The following GOLGA3 variants were observed in gnomAD, a reference collection of about 807,000 sequenced individuals.
GOLGA3 encodes golgin subfamily A member 3.
Under a neutral mutation model 169.4 loss-of-function variants are expected in GOLGA3, and 75 were observed. The ratio of observed to expected loss-of-function variants is 0.44; its 90% confidence interval spans 0.37 to 0.54. GOLGA3 has a LOEUF of 0.54. GOLGA3 is among the 20% of genes least tolerant of loss of function. The pLI is 0.00. For missense variants in GOLGA3, 1,899 were observed against 1,930.0 expected (o/e 0.98, Z 0.30); for synonymous variants, 824 against 822.4 (o/e 1.00, Z -0.03).
At chr12:132,797,874 C>G (rs769888149) in intron 9 of GOLGA3, among the ~76,000 whole-genome samples, 5 of 152,356 alleles carry the variant, frequency 3.3e-5, no homozygotes, top group African/African-American at 4.8e-5. Flanking sequence ...GGTTAAATGG[C>G]AATGCAGTCT....
At position 132,798,358 on chromosome 12, in the gene GOLGA3, T is replaced by C. The variant is rs1222885719; in HGVS notation, c.1920A>G (p.Ala640=). The C allele has an allele frequency of 6.2e-7, 1 of 1,612,582 alleles. No homozygotes were observed. The highest frequency in any genetic ancestry group is 1.7e-5 in the Admixed American group (1 of 59,720). The change falls in exon 9 of 24, where the codon GCA becomes GCG. Residue 640 remains alanine (A), a synonymous_variant. Transcript: ENST00000450791. ...GCCTCACCTCAATGCCCTGCAGCTG[T>C]GCCGCGATGCGCCCCTTCTCCTTCA... ...RSMKEKGRIA[A]QLQGIEADML... is the part of the protein sequence containing the mutation.
In GOLGA3 at chr12:132,807,226, T is replaced by G. The variant is rs1483169031; in HGVS notation, c.1241A>C (p.Lys414Thr). Residue 414 changes from lysine to threonine, a missense_variant, in exon 6 of 24, where the codon AAA becomes ACA. Lys to Thr is a moderately conservative substitution (Grantham distance 78, BLOSUM62 -1). Coordinates refer to ENST00000450791, the MANE Select transcript of GOLGA3 (RefSeq NM_001389683.1). ...TTCCAGCTGTCCTTCGAGTCGCATT[T>G]TCTCTTTGAGCACCTGCAGCATCTC... ...QEEMLQVLKEKMRLEGQLEAL... is the reference protein window; with the variant it reads ...QEEMLQVLKETMRLEGQLEAL... 6.2e-7 allele frequency: 1 copy of G among 1,605,336 alleles called. No homozygotes were observed. Among genetic ancestry groups the G allele is most frequent in the South Asian group, 1.1e-5 (1 of 89,084 alleles).
At chr12:132,794,682 A>C (rs954123547) in intron 11 of GOLGA3, among the ~76,000 whole-genome samples, 1 of 152,224 alleles carries the variant, frequency 6.6e-6, no homozygotes, top group African/African-American at 2.4e-5. Flanking sequence ...TTTCTTACTG[A>C]GCTAATGGTC....
intron 4 of GOLGA3, 44 bp downstream of exon 4, chr12:132,813,263 C>T: frequency 7.5e-7 from 1 of 1,333,618 alleles, no homozygotes; most frequent in South Asian, 1.2e-5. Context: ...TTGTCTCTGG[C>T]ACAGGAAGCT....
Position 132,822,417 on chromosome 12 carries a change from T to C in GOLGA3, c.-183-106A>G, listed in dbSNP as rs1950256519. ...AATTTGCATACGTACAAGAAACAAA[T>C]ACAAACTTTTTCATTCAGCAAATAA... On this transcript the variant is annotated intron_variant, in intron 1 of 23. Coordinates refer to ENST00000450791, the MANE Select transcript of GOLGA3 (RefSeq NM_001389683.1). 16 of 608,840 alleles carry C rather than the reference T, an allele frequency of 2.6e-5. No homozygotes were observed. The South Asian group carries it at 4.7e-4, about 18-fold the overall frequency. 37.7% of individuals were successfully genotyped at this position (608,840 alleles called of 1,614,324 possible).
At chr12:132,774,444 G>A (rs7313064) in intron 22 of GOLGA3, 124 bp from the exon 23 acceptor site, 115,386 of 1,085,006 alleles carry the variant, frequency 0.11, 11,132 homozygotes, top group East Asian at 0.49. Flanking sequence ...GAAGGGGACC[G>A]TCCTGGCCGC....
At chr12:132,792,858 G>C (rs112053013) in intron 11 of GOLGA3, among the ~76,000 whole-genome samples, 2 of 116,892 alleles carry the variant, frequency 1.7e-5, no homozygotes, top group African/African-American at 3.4e-5. Context: ...CACGGGACCT[G>C]CACTCGGAGG....
rs534183973 is a variant in GOLGA3, at chr12:132,821,841, G to A, written c.133+155C>T. On this transcript the variant is annotated intron_variant, in intron 2 of 23. Transcript: ENST00000450791. ...TGCAGTCCAGCCTGGGCGAAAGAGC[G>A]AGACTCCGTCTCAAAAAAAAAAAAA... Among the ~76,000 whole-genome samples, 11 of 125,484 alleles carry A rather than the reference G, an allele frequency of 8.8e-5. No individual in the cohort carries two copies. In the South Asian group the frequency reaches 2.5e-3, roughly 29 times the overall value. 82.3% of individuals were successfully genotyped at this position (125,484 alleles called of 152,430 possible). A position where few individuals can be genotyped will look rare whatever the true frequency, so the allele number is the denominator to read the frequency against.
At chr12:132,784,684 C>A (rs2045798195) in intron 15 of GOLGA3, among the ~76,000 whole-genome samples, 1 of 151,842 alleles carries the variant, frequency 6.6e-6, no homozygotes, top group Non-Finnish European at 1.5e-5. Context: ...GTAACACACA[C>A]CACGTGCACA....
rs1457076377 is a variant in GOLGA3 at position 132,786,464 on chromosome 12, C to T, written c.2998G>A (p.Glu1000Lys). Residue 1000 changes from glutamate to lysine, a missense_variant, in exon 15 of 24, where the codon GAG (glutamate) becomes AAG (lysine). Glu to Lys is a moderately conservative substitution (Grantham distance 56). Coordinates refer to ENST00000450791, the MANE Select transcript of GOLGA3 (RefSeq NM_001389683.1). ...KEMKTKHKAY[E>K]NAVGILSRRL... ...CGGCTGAGGATGCCCACGGCGTTCTCGTAGGCCTTATGTTTGGTCTTCATC... is the reference window on the plus strand; with the variant it reads ...CGGCTGAGGATGCCCACGGCGTTCTTGTAGGCCTTATGTTTGGTCTTCATC... 12 of 1,613,762 alleles carry T rather than the reference C, an allele frequency of 7.4e-6. No individual in the cohort carries two copies. In the East Asian group the frequency reaches 1.6e-4, roughly 21 times the overall value.
intron 16 of GOLGA3, among the ~76,000 whole-genome samples, chr12:132,783,106 A>T (rs10870510): frequency 2.6e-5 from 4 of 152,098 alleles, no homozygotes; most frequent in Non-Finnish European, 5.9e-5. Context: ...TGAGGCGGGA[A>T]AATCACTTGA....
intron 18 of GOLGA3, among the ~76,000 whole-genome samples, chr12:132,779,110 C>G (rs1205954563): frequency 6.6e-6 from 1 of 151,988 alleles, no homozygotes; most frequent in Non-Finnish European, 1.5e-5. Context: ...GACGGAGTTT[C>G]CCACTTGTTG....
Position 132,808,567 on chromosome 12 carries a change from G to T in GOLGA3, c.520-18C>A. 3 of 1,549,314 alleles carry T rather than the reference G, an allele frequency of 1.9e-6. No homozygotes were observed. The highest frequency in any genetic ancestry group is 2.6e-6 in the Non-Finnish European group (3 of 1,148,100). ...TGACTGGACTGAGAAGAAAACAAAA[G>T]TACAAAAATTACATTTAAAATCCAC... On this transcript the variant is annotated intron_variant, in intron 4 of 23. Coordinates refer to ENST00000450791, the MANE Select transcript of GOLGA3 (RefSeq NM_001389683.1).
chr12:132,770,526 T>C lies in GOLGA3; in HGVS notation c.*2579A>G, dbSNP rs1429608235. On this transcript the variant is annotated 3_prime_UTR_variant, in exon 24 of 24. Coordinates refer to ENST00000450791, the MANE Select transcript of GOLGA3 (RefSeq NM_001389683.1). ...CGGTATTTTCAGAATTAGTCTGTCC[T>C]AAGAGAAAAAAAAATACATGGTGAA... is the stretch of plus-strand genomic sequence containing the variant. 1 of 151,990 alleles carries C rather than the reference T, an allele frequency of 6.6e-6. No homozygotes were observed. The highest frequency in any genetic ancestry group is 1.5e-5 in the Non-Finnish European group (1 of 67,982). The allele number at this position is 151,990 out of a possible 1,614,324, so 9.4% of individuals were successfully genotyped here.
intron 6 of GOLGA3, among the ~76,000 whole-genome samples, chr12:132,806,560 C>T (rs527883107): frequency 1.2e-4 from 18 of 152,338 alleles, no homozygotes; most frequent in Admixed American, 9.1e-4. Context: ...GCTCTGCGGC[C>T]TCGCAGGCCA....
rs61336622 is a variant in GOLGA3 at position 132,821,099 on chromosome 12, CAAAAAAAAAAA to C, written c.133+886_133+896del. Among the ~76,000 whole-genome samples, 5 of 49,340 alleles carry C rather than the reference CAAAAAAAAAAA, an allele frequency of 1.0e-4. No homozygotes were observed. In the South Asian group the frequency reaches 2.9e-3, roughly 29 times the overall value. The allele number at this position is 49,340 out of a possible 152,430, so 32.4% of individuals were successfully genotyped here. A position where few individuals can be genotyped will look rare whatever the true frequency, so the allele number is the denominator to read the frequency against. On this transcript the variant is annotated intron_variant, in intron 2 of 23. Coordinates refer to ENST00000450791, the MANE Select transcript of GOLGA3 (RefSeq NM_001389683.1). ...TGGGCGACAGAACAGGACACCGTCTCAAAAAAAAAAAAAAAAAAAAAAAATGGCTGGGCGCA... is the reference window on the plus strand; with the variant it reads ...TGGGCGACAGAACAGGACACCGTCTCAAAAAAAAAAAAATGGCTGGGCGCA...
rs930370723 is a variant in GOLGA3 at position 132,777,986 on chromosome 12, C to A, written c.3583-181G>T. Among the ~76,000 whole-genome samples the A allele has an allele frequency of 6.6e-6, 1 of 152,348 alleles. No individual in the cohort carries two copies. Among genetic ancestry groups the A allele is most frequent in the African/African-American group, 2.4e-5 (1 of 41,584 alleles). On this transcript the variant is annotated intron_variant, in intron 18 of 23. Transcript: ENST00000450791. The surrounding 1 kb of genome is among the most constrained non-coding windows in gnomAD (Gnocchi z 4.7). ...AAACCACCTGACCCGGAGCTCGGCA[C>A]GCAGCAAGTGCACACTTATGTGGCT...
At position 132,777,168 on chromosome 12, in the gene GOLGA3, C is replaced by T; in HGVS notation, c.3723-78G>A. 1 of 1,476,212 alleles carries T rather than the reference C, an allele frequency of 6.8e-7. No individual in the cohort carries two copies. Among genetic ancestry groups the T allele is most frequent in the Non-Finnish European group, 9.1e-7 (1 of 1,098,442 alleles). The allele number at this position is 1,476,212 out of a possible 1,614,324, so 91.4% of individuals were successfully genotyped here. On this transcript the variant is annotated intron_variant, in intron 19 of 23. Transcript: ENST00000450791. This position sits in a 1 kb window ranked among gnomAD's most constrained non-coding sequence, Gnocchi z 4.7. Reference sequence around the variant, plus strand: ...GTGCCCTCCCGCTGGGAAATGCTGCCTGTGGAAGGCGTTCGTCCTGGCAGG... The same window carrying T: ...GTGCCCTCCCGCTGGGAAATGCTGCTTGTGGAAGGCGTTCGTCCTGGCAGG...
chr12:132,809,280 G>A (rs1183582587), intron 4 of GOLGA3, among the ~76,000 whole-genome samples: 1 of 152,226 alleles, frequency 6.6e-6, no homozygotes, highest in African/African-American at 2.4e-5. Flanking sequence ...GGCAGACTAG[G>A]AGTGTGACCA....
Sources: allele counts gnomAD v4.1 joint callset (sites outside exome capture counted in the v4.1 genomes callset), GRCh38; gene constraint gnomAD v4.1.1; non-coding constraint Gnocchi (gnomAD v3.1); transcripts MANE v1.5; gene names NCBI Gene and HGNC (gene_info 2026-07-23, HGNC 2026-07-21).